EXOC4: variants seen among roughly 807,000 people sequenced by gnomAD.
EXOC4 encodes the protein SEC8-like 1.
A neutral mutation model predicts 107.2 loss-of-function variants in EXOC4; 71 were observed. The observed-to-expected ratio is 0.66, with a 90% CI of 0.55 to 0.81. The LOEUF is 0.81. Among genes scored for constraint, EXOC4 ranks in the 30% least tolerant of loss-of-function variants. The pLI, the probability that EXOC4 is intolerant of heterozygous loss-of-function variation, is 0.00. For missense variants in EXOC4, 1,108 were observed against 1,189.6 expected (o/e 0.93, Z 1.01); for synonymous variants, 456 against 441.2 (o/e 1.03, Z -0.42).
chr7:133,710,997 A>T (rs534274731), intron 10 of EXOC4, among the ~76,000 whole-genome samples: 1 of 152,146 alleles, frequency 6.6e-6, no homozygotes, highest in Non-Finnish European at 1.5e-5. Flanking sequence ...GGTAAAGTAG[A>T]GTTCAAGGGG....
chr7:133,485,822 TTAAA>T (rs780698111), intron 9 of EXOC4, among the ~76,000 whole-genome samples: 4 of 152,192 alleles, frequency 2.6e-5, no homozygotes, highest in Non-Finnish European at 4.4e-5. Flanking sequence ...TAGTGGTTGT[TTAAA>T]TAAACAGACT....
chr7:134,096,031 A>G, the EXOC4 span, among the ~76,000 whole-genome samples: 3 of 151,840 alleles, frequency 2.0e-5, no homozygotes, highest in African/African-American at 7.3e-5. Context: ...AACCCACAGA[A>G]TGGGAGAAAA....
chr7:133,557,774 T>C (rs1013700333), intron 9 of EXOC4, among the ~76,000 whole-genome samples: 2 of 152,138 alleles, frequency 1.3e-5, no homozygotes, highest in Admixed American at 6.6e-5. Context: ...ACAGATCACT[T>C]GAGGTCAGGA....
Position 134,007,702 on chromosome 7 carries a change from C to T in EXOC4, c.2554C>T (p.Leu852Phe). 1.9e-6 allele frequency: 3 copies of T among 1,613,442 alleles called. No homozygotes were observed. The highest frequency in any genetic ancestry group is 2.5e-6 in the Non-Finnish European group (3 of 1,179,636). Reference sequence around the variant, plus strand: ...CCTGGGCCACCTGATCTCCTGCATCCTCATTAATGGTGCCCAGTACTTCAG... The same window carrying T: ...CCTGGGCCACCTGATCTCCTGCATCTTCATTAATGGTGCCCAGTACTTCAG... ...EGLGHLISCI[L>F]INGAQYFRRI... Residue 852 changes from leucine to phenylalanine, a missense_variant, in exon 17 of 18, where the codon CTC becomes TTC. Physicochemically the swap from Leu to Phe is conservative, Grantham distance 22 (BLOSUM62 0). Transcript: ENST00000253861.
At chr7:133,768,273 A>G (rs531749769) in intron 10 of EXOC4, 1 of 152,136 alleles carries the variant, frequency 6.6e-6, no homozygotes, top group East Asian at 1.9e-4. Flanking sequence ...GATTTGAAAT[A>G]AACATTTTTT....
At chr7:133,778,686 T>C (rs555242412) in intron 10 of EXOC4, among the ~76,000 whole-genome samples, 12 of 152,374 alleles carry the variant, frequency 7.9e-5, no homozygotes, top group Admixed American at 4.6e-4. Flanking sequence ...TAGCATCGTC[T>C]AACCAAAGTT....
At chr7:133,461,316 C>A (rs907525790) in intron 7 of EXOC4, among the ~76,000 whole-genome samples, 2 of 152,100 alleles carry the variant, frequency 1.3e-5, no homozygotes, top group African/African-American at 4.8e-5. Context: ...CTGGTCTTTA[C>A]AATGTTCCCC....
In EXOC4 at chr7:133,573,252, G is replaced by A. The variant is rs190232290; in HGVS notation, c.1418-56793G>A. Among the ~76,000 whole-genome samples, 8 of 152,274 alleles carry A rather than the reference G, an allele frequency of 5.3e-5. No individual in the cohort carries two copies. The East Asian group carries it at 5.8e-4, about 11-fold the overall frequency. On this transcript the variant is annotated intron_variant, in intron 9 of 17. Transcript: ENST00000253861. ...TATATTGTTAGAGATGGAAGCAACC[G>A]CATTTTTACAGAATGGCAAAACTTA...
chr7:133,553,860 A>G (rs897591108), intron 9 of EXOC4, among the ~76,000 whole-genome samples: 1 of 152,138 alleles, frequency 6.6e-6, no homozygotes, highest in Non-Finnish European at 1.5e-5. Flanking sequence ...ACATGTCACC[A>G]GTTTCTCCCG....
intron 9 of EXOC4, among the ~76,000 whole-genome samples, chr7:133,515,256 C>A (rs1799849813): frequency 6.6e-6 from 1 of 151,788 alleles, no homozygotes; most frequent in African/African-American, 2.4e-5. Context: ...TCAGGACATA[C>A]TTTTTTAGGT....
At chr7:134,057,193 A>G (rs989174580) in intron 17 of EXOC4, among the ~76,000 whole-genome samples, 5 of 152,192 alleles carry the variant, frequency 3.3e-5, no homozygotes, top group African/African-American at 1.2e-4. Flanking sequence ...GACCGATCAA[A>G]GAAGACCGAG....
intron 14 of EXOC4, among the ~76,000 whole-genome samples, chr7:133,986,038 A>G (rs900635099): frequency 2.0e-5 from 3 of 152,212 alleles, no homozygotes; most frequent in African/African-American, 7.2e-5. Flanking sequence ...CATTGGTTGG[A>G]TGTTGTGCTT....
intron 7 of EXOC4, among the ~76,000 whole-genome samples, chr7:133,405,013 G>A (rs1385647662): frequency 1.3e-5 from 2 of 151,834 alleles, no homozygotes; most frequent in African/African-American, 4.8e-5. Context: ...GTTCAAGGCT[G>A]CAATGAGTTA....
chr7:134,007,508 C>T (rs1260923667), intron 16 of EXOC4, among the ~76,000 whole-genome samples, 168 bp from the exon 17 acceptor site: 2 of 152,134 alleles, frequency 1.3e-5, no homozygotes, highest in African/African-American at 4.8e-5. Flanking sequence ...TGTAGAAATA[C>T]CCTAAAATTA....
intron 9 of EXOC4, among the ~76,000 whole-genome samples, chr7:133,514,870 G>T (rs964102471): frequency 1.3e-5 from 2 of 152,072 alleles, no homozygotes; most frequent in Non-Finnish European, 2.9e-5. Flanking sequence ...TATGCTCATT[G>T]TACTATGATA....
chr7:133,343,238 A>T (rs1795706432), intron 5 of EXOC4, among the ~76,000 whole-genome samples: 1 of 152,046 alleles, frequency 6.6e-6, no homozygotes, highest in African/African-American at 2.4e-5. Flanking sequence ...TGCTCTCCCC[A>T]TTCCCCTATG....
chr7:134,057,199 C>T (rs1465195831), intron 17 of EXOC4, among the ~76,000 whole-genome samples: 1 of 152,090 alleles, frequency 6.6e-6, no homozygotes, highest in Non-Finnish European at 1.5e-5. Context: ...TCAAAGAAGA[C>T]CGAGCAAGCC....
rs190682208 is a variant in EXOC4 at position 133,942,670 on chromosome 7, A to G, written c.2206+4601A>G. ...ATCCCAGTTTAATTTTCTTTCTACTACGTCAGTTAGAGCCACTAATTGGAC... is the reference window on the plus strand; with the variant it reads ...ATCCCAGTTTAATTTTCTTTCTACTGCGTCAGTTAGAGCCACTAATTGGAC... On this transcript the variant is annotated intron_variant, in intron 14 of 17. Transcript: ENST00000253861. Among the ~76,000 whole-genome samples the G allele has an allele frequency of 3.6e-4, 55 of 152,176 alleles. No homozygotes were observed. In the Middle Eastern group the frequency reaches 0.017, roughly 47 times the overall value.
At chr7:133,388,333 TAAG>T (rs1201373935) in intron 7 of EXOC4, among the ~76,000 whole-genome samples, 2 of 152,152 alleles carry the variant, frequency 1.3e-5, no homozygotes, top group Non-Finnish European at 2.9e-5. Context: ...CTCTAAAAAA[TAAG>T]AACTCTCTTT....
Sources: gnomAD v4.1 joint callset for allele counts (sites outside exome capture counted in the v4.1 genomes callset) on GRCh38, gnomAD v4.1.1 for gene constraint, MANE v1.5 for transcripts, NCBI Gene and HGNC (gene_info 2026-07-23, HGNC 2026-07-21) for gene names.